Variants in SLC2A13 observed in about 807,000 individuals in gnomAD.
SLC2A13 encodes the protein proton myo-inositol cotransporter.
In SLC2A13, 32 loss-of-function variants were observed where a neutral mutation model predicts 64.4. The observed-to-expected ratio is 0.50, with a 90% CI of 0.37 to 0.67. SLC2A13 has a LOEUF of 0.67. SLC2A13 is among the 30% of genes least tolerant of loss of function. The pLI, the probability that SLC2A13 is intolerant of heterozygous loss-of-function variation, is 0.00. For missense variants in SLC2A13, 743 were observed against 829.2 expected, an observed-to-expected ratio of 0.90 and a Z score of 1.28; for synonymous variants, 338 against 327.1, an observed-to-expected ratio of 1.03 and a Z score of -0.36.
chr12:39,837,887 T>G (rs1943062842), intron 6 of SLC2A13, among the ~76,000 whole-genome samples: 1 of 151,162 alleles, frequency 6.6e-6, no homozygotes, highest in Admixed American at 6.6e-5. Flanking sequence ...TTTTACACTG[T>G]TGGTGGGACT....
intron 2 of SLC2A13, among the ~76,000 whole-genome samples, chr12:40,043,746 T>C (rs879288605): frequency 4.0e-5 from 6 of 151,832 alleles, no homozygotes; most frequent in Admixed American, 3.9e-4. Context: ...AAAAAAAAAG[T>C]TATCCTCATG....
chr12:39,838,635 G>A (rs1943093623), intron 6 of SLC2A13, among the ~76,000 whole-genome samples: 1 of 151,984 alleles, frequency 6.6e-6, no homozygotes, highest in South Asian at 2.1e-4. Context: ...AAAAGAGCAG[G>A]ACAAAAGGCT....
At chr12:39,847,862 C>T (rs1943359877) in intron 6 of SLC2A13, among the ~76,000 whole-genome samples, 1 of 152,086 alleles carries the variant, frequency 6.6e-6, no homozygotes, top group South Asian at 2.1e-4. Flanking sequence ...CAAGTCTACC[C>T]AAGTCTCCAA....
At chr12:39,974,764 T>A (rs28370805) in intron 3 of SLC2A13, among the ~76,000 whole-genome samples, 1 of 152,206 alleles carries the variant, frequency 6.6e-6, no homozygotes, top group Non-Finnish European at 1.5e-5. Flanking sequence ...TGTAAACTAA[T>A]TGAGAAGTTT....
At chr12:39,946,641 G>C (rs994273949) in intron 4 of SLC2A13, among the ~76,000 whole-genome samples, 3 of 152,154 alleles carry the variant, frequency 2.0e-5, no homozygotes, top group Non-Finnish European at 4.4e-5. Flanking sequence ...AGGGAAGTGG[G>C]TGAAAGCTGG....
At chr12:39,967,581 A>C (rs1946543282) in intron 3 of SLC2A13, among the ~76,000 whole-genome samples, 2 of 152,242 alleles carry the variant, frequency 1.3e-5, no homozygotes, top group Non-Finnish European at 2.9e-5. Context: ...ATTTGAGTGA[A>C]GTATGTGGCT....
Position 40,088,620 on chromosome 12 carries a change from G to A in SLC2A13, c.556+16633C>T, listed in dbSNP as rs144420711. ...TGTGTTAATACAGCAAGCACAGTAT[G>A]TATATTGCATGTTACAGATCAATAA... On this transcript the variant is annotated intron_variant, in intron 1 of 9. Transcript: ENST00000280871. 8.9e-4 allele frequency among the ~76,000 whole-genome samples: 135 copies of A among 152,224 alleles called. No homozygotes were observed. The Middle Eastern group carries it at 0.031, about 35-fold the overall frequency.
intron 4 of SLC2A13, among the ~76,000 whole-genome samples, chr12:39,906,988 G>T (rs753969053): frequency 6.6e-6 from 1 of 152,016 alleles, no homozygotes; most frequent in African/African-American, 2.4e-5. Context: ...TTGTCTCTTA[G>T]ATTTTTTCCA....
At chr12:40,095,417 C>T (rs2136301570) in intron 1 of SLC2A13, among the ~76,000 whole-genome samples, 1 of 152,192 alleles carries the variant, frequency 6.6e-6, no homozygotes, top group East Asian at 1.9e-4. Context: ...ACTCTATGTC[C>T]AGCTGTAATT....
At position 39,760,354 on chromosome 12, in the gene SLC2A13, A is replaced by G. The variant is rs1940089275; in HGVS notation, c.1721-102T>C. The G allele has an allele frequency of 6.7e-6, 7 of 1,052,228 alleles. No homozygotes were observed. In the South Asian group the frequency reaches 9.8e-5, roughly 15 times the overall value. 65.2% of individuals were successfully genotyped at this position (1,052,228 alleles called of 1,614,324 possible). On this transcript the variant is annotated intron_variant, in intron 9 of 9. Coordinates refer to ENST00000280871, the MANE Select transcript of SLC2A13 (RefSeq NM_052885.4). ...ACTTTTTTTTTCTGGTCAGTCATGC[A>G]TAATCACAGTATGAAATGGACCAAA...
chr12:39,763,440 T>C (rs1940237176), intron 9 of SLC2A13, among the ~76,000 whole-genome samples: 1 of 152,256 alleles, frequency 6.6e-6, no homozygotes, highest in East Asian at 1.9e-4. Context: ...ATTTATTCAT[T>C]TGACAAACAC....
chr12:39,926,020 T>C (rs1318088132), intron 4 of SLC2A13, among the ~76,000 whole-genome samples: 1 of 152,180 alleles, frequency 6.6e-6, no homozygotes, highest in Admixed American at 6.6e-5. Flanking sequence ...ATGAAGCATA[T>C]GTTCTCATTT....
intron 4 of SLC2A13, among the ~76,000 whole-genome samples, chr12:39,929,929 G>T (rs778229819): frequency 6.6e-6 from 1 of 151,930 alleles, no homozygotes; most frequent in Non-Finnish European, 1.5e-5. Flanking sequence ...TCAGGAGTTC[G>T]AGACCAGCCT....
intron 4 of SLC2A13, among the ~76,000 whole-genome samples, chr12:39,909,330 CAT>C (rs746251954): frequency 1.3e-5 from 2 of 151,918 alleles, no homozygotes; most frequent in Non-Finnish European, 2.9e-5. Flanking sequence ...AGGAGGATGA[CAT>C]TTACAATGGG....
At chr12:39,852,206 C>T (rs984998320) in intron 6 of SLC2A13, among the ~76,000 whole-genome samples, 1 of 152,218 alleles carries the variant, frequency 6.6e-6, no homozygotes, top group South Asian at 2.1e-4. Flanking sequence ...CACATGAATC[C>T]GTGTTTTCAA....
chr12:39,848,715 T>C (rs114855916), intron 6 of SLC2A13, among the ~76,000 whole-genome samples: 3,400 of 152,242 alleles, frequency 0.022, 118 homozygotes, highest in African/African-American at 0.078. Flanking sequence ...TAAAGACACA[T>C]GCATGGGAAT....
At chr12:39,842,266 C>T (rs1300890679) in intron 6 of SLC2A13, among the ~76,000 whole-genome samples, 1 of 152,100 alleles carries the variant, frequency 6.6e-6, no homozygotes, top group African/African-American at 2.4e-5. Context: ...ATTGTACCAT[C>T]TGGTCTTTTC....
At chr12:40,005,848 G>A (rs1013710495) in intron 3 of SLC2A13, among the ~76,000 whole-genome samples, 1 of 152,156 alleles carries the variant, frequency 6.6e-6, no homozygotes, top group Non-Finnish European at 1.5e-5. Flanking sequence ...GGATACCAAA[G>A]GCTATTTTAA....
chr12:39,757,928 A>G lies in SLC2A13; in HGVS notation c.*2098T>C, dbSNP rs953958787. The G allele has an allele frequency of 6.6e-6, 1 of 152,270 alleles. No individual in the cohort carries two copies. Among genetic ancestry groups the G allele is most frequent in the Non-Finnish European group, 1.5e-5 (1 of 67,694 alleles). The allele number at this position is 152,270 out of a possible 1,614,324, so 9.4% of individuals were successfully genotyped here. On this transcript the variant is annotated 3_prime_UTR_variant, in exon 10 of 10. Transcript: ENST00000280871. ...TTAAGTCCAAAAAATAAATTTTTAG[A>G]GAGCACTTTATTGGTCTACTTTTTC...
Sources: gnomAD v4.1 joint callset for allele counts (sites outside exome capture counted in the v4.1 genomes callset) on GRCh38, gnomAD v4.1.1 for gene constraint, MANE v1.5 for transcripts, NCBI Gene and HGNC (gene_info 2026-07-23, HGNC 2026-07-21) for gene names.